The following DCC variants were observed in gnomAD, a reference collection of about 807,000 sequenced individuals.
DCC encodes DCC netrin 1 receptor.
A neutral mutation model predicts 172.5 loss-of-function variants in DCC; 58 were observed. The observed-to-expected ratio is 0.34, with a 90% CI of 0.27 to 0.42. The LOEUF is 0.42. DCC is among the 10% of genes least tolerant of loss of function. The pLI, the probability that DCC is intolerant of heterozygous loss-of-function variation, is 1.00. For missense variants in DCC, 1,740 were observed against 1,791.0 expected (o/e 0.97, Z 0.51); for synonymous variants, 709 against 644.5 (o/e 1.10, Z -1.52).
intron 14 of DCC, among the ~76,000 whole-genome samples, chr18:53,338,072 C>G (rs1422767756): frequency 6.6e-6 from 1 of 152,210 alleles, no homozygotes; most frequent in Admixed American, 6.5e-5. Flanking sequence ...CACATTCTTT[C>G]TTACATATCT....
chr18:52,735,075 A>G (rs1165283616), intron 1 of DCC, among the ~76,000 whole-genome samples: 1 of 152,072 alleles, frequency 6.6e-6, no homozygotes, highest in Non-Finnish European at 1.5e-5. Flanking sequence ...CTAATTTTGT[A>G]TTACTCTTTT....
rs373447974 is a variant in DCC at position 52,917,935 on chromosome 18, G to A, written c.698-5772G>A. ...CGTTCATGAGCATCACATTAAAGAG[G>A]TATGCTTTTGTAGATTTTAATACCA... On this transcript the variant is annotated intron_variant, in intron 3 of 28. Transcript: ENST00000442544. 9.2e-5 allele frequency among the ~76,000 whole-genome samples: 14 copies of A among 152,180 alleles called. No homozygotes were observed. In the East Asian group the frequency reaches 1.5e-3, roughly 17 times the overall value.
intron 16 of DCC, among the ~76,000 whole-genome samples, chr18:53,390,731 AAC>A (rs1230005916): frequency 6.6e-6 from 1 of 152,180 alleles, no homozygotes; most frequent in Non-Finnish European, 1.5e-5. Context: ...ATTTTGTAAA[AAC>A]ACACACATCA....
At chr18:52,930,443 A>T (rs2040291021) in intron 5 of DCC, among the ~76,000 whole-genome samples, 1 of 152,112 alleles carries the variant, frequency 6.6e-6, no homozygotes, top group Non-Finnish European at 1.5e-5. Context: ...AACAAAAACA[A>T]CCCACTAAGT....
At chr18:52,796,683 A>G (rs968243956) in intron 2 of DCC, among the ~76,000 whole-genome samples, 1 of 152,070 alleles carries the variant, frequency 6.6e-6, no homozygotes, top group Non-Finnish European at 1.5e-5. Context: ...TGAGAAGTCC[A>G]CTGTTAGTCT....
At chr18:53,154,587 A>G (rs957674461) in intron 7 of DCC, among the ~76,000 whole-genome samples, 5 of 152,138 alleles carry the variant, frequency 3.3e-5, no homozygotes, top group Non-Finnish European at 7.4e-5. Context: ...GAGCTGGGGG[A>G]CACTTGTGGT....
chr18:53,218,356 T>C (rs1237252001), intron 12 of DCC, among the ~76,000 whole-genome samples: 1 of 152,144 alleles, frequency 6.6e-6, no homozygotes, highest in Non-Finnish European at 1.5e-5. Flanking sequence ...TTATAAGACA[T>C]ATGATCACAA....
intron 12 of DCC, among the ~76,000 whole-genome samples, chr18:53,230,077 G>C (rs895658777): frequency 1.3e-5 from 2 of 151,988 alleles, no homozygotes; most frequent in Non-Finnish European, 2.9e-5. Context: ...CATCTTTATT[G>C]TTTAGCTCAG....
At chr18:52,416,514 C>G (rs1452702311) in intron 1 of DCC, among the ~76,000 whole-genome samples, 156 of 149,518 alleles carry the variant, frequency 1.0e-3, no homozygotes, top group African/African-American at 3.8e-3. Context: ...GTCTAAGTCT[C>G]TTTGTAGGTC....
chr18:53,145,997 G>T (rs2043906877), intron 7 of DCC, among the ~76,000 whole-genome samples: 1 of 152,082 alleles, frequency 6.6e-6, no homozygotes, highest in Non-Finnish European at 1.5e-5. Flanking sequence ...ACTTTGGGAG[G>T]CTGAGATGGG....
chr18:52,947,858 C>G (rs1326692255), intron 5 of DCC, among the ~76,000 whole-genome samples: 1 of 152,116 alleles, frequency 6.6e-6, no homozygotes, highest in Non-Finnish European at 1.5e-5. Context: ...TACTGAATTT[C>G]AAACCTTGAG....
At position 53,139,259 on chromosome 18, in the gene DCC, T is replaced by G. The variant is rs191931010; in HGVS notation, c.1262-18097T>G. Among the ~76,000 whole-genome samples, 1,114 of 152,316 alleles carry G rather than the reference T, an allele frequency of 7.3e-3. 12 individuals carry two copies. Among genetic ancestry groups the G allele is most frequent in the Admixed American group, 0.032 (492 of 15,296 alleles). On this transcript the variant is annotated intron_variant, in intron 7 of 28. Transcript: ENST00000442544. ...CTCTCCTGGGGCTGGCAATTTATGG[T>G]GCAAAAAGCAGCAGAATGTGCTATT... is the stretch of plus-strand genomic sequence containing the variant.
chr18:52,372,862 A>C (rs542888146), intron 1 of DCC, among the ~76,000 whole-genome samples: 1 of 152,258 alleles, frequency 6.6e-6, no homozygotes, highest in African/African-American at 2.4e-5. Flanking sequence ...AATAACAAAA[A>C]CCCGAGATGA....
intron 1 of DCC, among the ~76,000 whole-genome samples, chr18:52,650,986 TTATTA>T (rs2035120580): frequency 6.6e-6 from 1 of 152,190 alleles, no homozygotes; most frequent in African/African-American, 2.4e-5. Context: ...CTACCCTAAA[TTATTA>T]AAAGCATATT....
chr18:52,426,680 G>C (rs1987439541), intron 1 of DCC, among the ~76,000 whole-genome samples: 1 of 151,968 alleles, frequency 6.6e-6, no homozygotes, highest in Non-Finnish European at 1.5e-5. Flanking sequence ...GCTTTAGTTA[G>C]TCTTTGTAGA....
intron 1 of DCC, among the ~76,000 whole-genome samples, chr18:52,377,684 A>T (rs1985407645): frequency 6.6e-6 from 1 of 151,160 alleles, no homozygotes; most frequent in Admixed American, 6.6e-5. Context: ...CAGAAAAAAA[A>T]AACTATTAAG....
intron 2 of DCC, among the ~76,000 whole-genome samples, chr18:52,773,977 A>C (rs2037386018): frequency 6.6e-6 from 1 of 152,202 alleles, no homozygotes; most frequent in South Asian, 2.1e-4. Flanking sequence ...AATAATTTCC[A>C]CAGGTGGTTG....
chr18:53,245,931 T>G (rs2056359598), intron 12 of DCC, among the ~76,000 whole-genome samples: 1 of 152,038 alleles, frequency 6.6e-6, no homozygotes, highest in Admixed American at 6.6e-5. Flanking sequence ...CCTCTCAGAG[T>G]GACTCCAGGA....
chr18:52,829,118 T>C (rs1331654154), intron 2 of DCC, among the ~76,000 whole-genome samples: 2 of 152,202 alleles, frequency 1.3e-5, no homozygotes, highest in Non-Finnish European at 2.9e-5. Context: ...ATTTCCCTAT[T>C]TTATCTGAGT....
Sources: gnomAD v4.1 joint callset for allele counts (sites outside exome capture counted in the v4.1 genomes callset) on GRCh38, gnomAD v4.1.1 for gene constraint, MANE v1.5 for transcripts, NCBI Gene and HGNC (gene_info 2026-07-23, HGNC 2026-07-21) for gene names.